Variants in CMIP observed in about 807,000 individuals in gnomAD.
The protein encoded by CMIP is C-Maf-inducing protein.
In CMIP, 13 loss-of-function variants were observed where a neutral mutation model predicts 97.3. The observed-to-expected ratio is 0.13, with a 90% CI of 0.09 to 0.21. CMIP has a LOEUF of 0.21. CMIP is among the 10% of genes least tolerant of loss of function. The pLI, the probability that CMIP is intolerant of heterozygous loss-of-function variation, is 1.00. For missense variants in CMIP, 847 were observed against 1,024.9 expected, an observed-to-expected ratio of 0.83 and a Z score of 2.37; for synonymous variants, 538 against 436.3, an observed-to-expected ratio of 1.23 and a Z score of -2.91.
chr16:81,454,653 T>G (rs1436170476), intron 1 of CMIP, among the ~76,000 whole-genome samples: 3 of 152,260 alleles, frequency 2.0e-5, no homozygotes, highest in Non-Finnish European at 4.4e-5. Context: ...GTGAGTGCTC[T>G]CAGGCATGGC....
At chr16:81,662,199 C>G (rs1190917962) in intron 6 of CMIP, among the ~76,000 whole-genome samples, 1 of 152,146 alleles carries the variant, frequency 6.6e-6, no homozygotes, top group Non-Finnish European at 1.5e-5. Context: ...CCAATTTAAC[C>G]CAAACCTGCC....
intron 1 of CMIP, among the ~76,000 whole-genome samples, chr16:81,486,228 G>A (rs533379609): frequency 3.2e-4 from 48 of 152,220 alleles, no homozygotes; most frequent in Non-Finnish European, 6.6e-4. Context: ...AGATATTCAG[G>A]TTCCCAAGAA....
In CMIP at chr16:81,453,912, G is replaced by A. The variant is rs906277583; in HGVS notation, c.300+8371G>A. Among the ~76,000 whole-genome samples, 2 of 152,196 alleles carry A rather than the reference G, an allele frequency of 1.3e-5. No homozygotes were observed. Among genetic ancestry groups the A allele is most frequent in the Non-Finnish European group, 2.9e-5 (2 of 68,026 alleles). On this transcript the variant is annotated intron_variant, in intron 1 of 20. Transcript: ENST00000537098. The surrounding 1 kb of genome is among the most constrained non-coding windows in gnomAD (Gnocchi z 4.0). ...CCACACGGAGTGCAGGGGAAGACTT[G>A]GGAACATGGTTTACATGTGCGTCTG...
chr16:81,601,787 A>G (rs112636467), intron 1 of CMIP, among the ~76,000 whole-genome samples: 1,808 of 151,976 alleles, frequency 0.012, 33 homozygotes, highest in African/African-American at 0.041. Flanking sequence ...CATCTCCAAT[A>G]CCCTCTGGGC....
chr16:81,660,913 C>T lies in CMIP; in HGVS notation c.711C>T (p.His237=), dbSNP rs1157069097. The T allele has an allele frequency of 4.3e-6, 7 of 1,613,976 alleles. No homozygotes were observed. In the East Asian group the frequency reaches 1.3e-4, roughly 31 times the overall value. ...VAIAPLLENN[H]PPPDLCEFFC... is the part of the protein sequence containing the mutation. ...TCGCTCCTTTGCTGGAAAACAACCA[C>T]CCACCACCAGATCTCTGTGAATTCT... The change falls in exon 6 of 21, where the codon CAC becomes CAT. Residue 237 remains histidine (H), a synonymous_variant. Coordinates refer to ENST00000537098, the MANE Select transcript of CMIP (RefSeq NM_198390.3).
At chr16:81,705,743 C>A in intron 19 of CMIP, 139 bp downstream of exon 19, 1 of 604,566 alleles carries the variant, frequency 1.7e-6, no homozygotes, top group Non-Finnish European at 2.9e-6. Context: ...GTTCACTGCA[C>A]ACCTGCTGTG....
chr16:81,678,368 C>T lies in CMIP; in HGVS notation c.1128C>T (p.Pro376=), dbSNP rs370511292. The T allele has an allele frequency of 2.5e-6, 4 of 1,612,902 alleles. No individual in the cohort carries two copies. The highest frequency in any genetic ancestry group is 3.4e-6 in the Non-Finnish European group (4 of 1,179,506). Residue 376 remains proline (P), a synonymous_variant, in exon 10 of 21, where the codon CCC becomes CCT. Coordinates refer to ENST00000537098, the MANE Select transcript of CMIP (RefSeq NM_198390.3). ...KPTLPLRLLH[P]SPDLVSQEAT... ...CTTTACCTCTGCGCCTTCTGCACCC[C>T]AGCCCGGACCTGGTGTCTCAGGAAG...
At chr16:81,531,354 C>A (rs554177038) in intron 1 of CMIP, among the ~76,000 whole-genome samples, 1 of 152,186 alleles carries the variant, frequency 6.6e-6, no homozygotes, top group Non-Finnish European at 1.5e-5. Context: ...AGGAAATCAA[C>A]CCTGTTGACA....
At chr16:81,618,538 T>C (rs1178003526) in intron 2 of CMIP, 1 of 152,236 alleles carries the variant, frequency 6.6e-6, no homozygotes, top group African/African-American at 2.4e-5. Context: ...CCCCTTGGTG[T>C]GTGAGGAAGC....
intron 1 of CMIP, among the ~76,000 whole-genome samples, chr16:81,469,044 G>A (rs540292331): frequency 2.0e-5 from 3 of 152,324 alleles, no homozygotes; most frequent in South Asian, 2.1e-4. Flanking sequence ...TCTTTGCCCC[G>A]ATTTGGATCA....
intron 20 of CMIP, among the ~76,000 whole-genome samples, chr16:81,708,512 T>C (rs1236717422): frequency 6.6e-6 from 1 of 152,086 alleles, no homozygotes; most frequent in Non-Finnish European, 1.5e-5. Flanking sequence ...TCACTTTCAG[T>C]CGATTTTTTT....
chr16:81,475,504 A>G (rs576055139), intron 1 of CMIP, among the ~76,000 whole-genome samples: 50 of 150,300 alleles, frequency 3.3e-4, no homozygotes, highest in African/African-American at 1.2e-3. Flanking sequence ...TTTTTTTGTT[A>G]TTATATAGCT....
At chr16:81,570,650 C>G (rs116087572) in intron 1 of CMIP, among the ~76,000 whole-genome samples, 50 of 152,182 alleles carry the variant, frequency 3.3e-4, no homozygotes, top group African/African-American at 1.2e-3. Context: ...CAGGGATGGC[C>G]TGAGGAAAGG....
At chr16:81,601,008 C>T (rs1283175808) in intron 1 of CMIP, among the ~76,000 whole-genome samples, 2 of 152,158 alleles carry the variant, frequency 1.3e-5, no homozygotes, top group Middle Eastern at 3.2e-3. Context: ...CCCGACTGTG[C>T]AGCATGGGTG....
At chr16:81,451,539 G>C (rs1906215261) in intron 1 of CMIP, among the ~76,000 whole-genome samples, 1 of 152,184 alleles carries the variant, frequency 6.6e-6, no homozygotes, top group Admixed American at 6.5e-5. Flanking sequence ...ATGTTCTTTT[G>C]CTTAATTCTT....
At chr16:81,585,909 C>G (rs2091374449) in intron 1 of CMIP, among the ~76,000 whole-genome samples, 1 of 152,194 alleles carries the variant, frequency 6.6e-6, no homozygotes, top group African/African-American at 2.4e-5. Flanking sequence ...TAGCACCTGT[C>G]TCACCAGCAC....
At chr16:81,641,266 A>G (rs773682758) in intron 3 of CMIP, among the ~76,000 whole-genome samples, 2 of 151,816 alleles carry the variant, frequency 1.3e-5, no homozygotes, top group Admixed American at 1.3e-4. Context: ...TGCCATTTTC[A>G]TTCTCCCCAC....
chr16:81,605,958 T>G (rs2091737305), intron 1 of CMIP, among the ~76,000 whole-genome samples: 1 of 152,222 alleles, frequency 6.6e-6, no homozygotes. Context: ...GCCTAGCAAT[T>G]GATCACATCA....
intron 1 of CMIP, among the ~76,000 whole-genome samples, chr16:81,527,484 G>A (rs548334046): frequency 6.6e-6 from 1 of 152,180 alleles, no homozygotes; most frequent in East Asian, 1.9e-4. Flanking sequence ...ACTTTCAAAA[G>A]TACACAACCA....
Sources: gnomAD v4.1 joint callset for allele counts (sites outside exome capture counted in the v4.1 genomes callset) on GRCh38, gnomAD v4.1.1 for gene constraint, Gnocchi (gnomAD v3.1) non-coding constraint, MANE v1.5 for transcripts, NCBI Gene and HGNC (gene_info 2026-07-23, HGNC 2026-07-21) for gene names.